The following CUBN variants were observed in gnomAD, a reference collection of about 807,000 sequenced individuals.
CUBN encodes the protein cubilin, also known as 460 kDa receptor.
A neutral mutation model predicts 405.3 loss-of-function variants in CUBN; 282 were observed. The ratio of observed to expected loss-of-function variants is 0.70; its 90% CI spans 0.63 to 0.77. The LOEUF (loss-of-function observed/expected upper bound fraction) is 0.77. Ranked by LOEUF, CUBN falls within the 30% of genes least tolerant of loss-of-function variation. The pLI is 0.00. For missense variants in CUBN, 4,514 were observed against 4,475.2 expected (o/e 1.01, Z -0.25); for synonymous variants, 1,684 against 1,617.0 (o/e 1.04, Z -0.99).
At chr10:16,907,971 A>T (rs540991112) in intron 48 of CUBN, among the ~76,000 whole-genome samples, 1 of 152,288 alleles carries the variant, frequency 6.6e-6, no homozygotes, top group South Asian at 2.1e-4. Flanking sequence ...TGTGCTCTCA[A>T]TGTAAAGGAG....
chr10:16,952,321 G>C lies in CUBN; in HGVS notation c.4924C>G (p.Pro1642Ala). The change falls in exon 33 of 67, where the codon CCA becomes GCA. Residue 1642 changes from proline to alanine, a missense_variant. By Grantham distance (27) the Pro-to-Ala change is conservative. This residue lies in a region of CUBN where 1,613 missense variants were observed against 1,542.8 expected (regional missense o/e 1.05). Coordinates refer to ENST00000377833, the MANE Select transcript of CUBN (RefSeq NM_001081.4). Reference sequence around the variant, plus strand: ...ATCCAGCTGCAGTTCTGATTGTTTGGATAATTGGCAGGGAACCGTGGAGAG... The same window carrying C: ...ATCCAGCTGCAGTTCTGATTGTTTGCATAATTGGCAGGGAACCGTGGAGAG... ...VSSPRFPANY[P>A]NNQNCSWIIQ... 1 of 1,613,974 alleles carries C rather than the reference G, an allele frequency of 6.2e-7. No individual in the cohort carries two copies. The highest frequency in any genetic ancestry group is 8.5e-7 in the Non-Finnish European group (1 of 1,179,912).
At chr10:16,938,939 C>A (rs553664205) in intron 38 of CUBN, 24 bp downstream of exon 38, 3 of 1,585,308 alleles carry the variant, frequency 1.9e-6, no homozygotes, top group Middle Eastern at 1.7e-4. Flanking sequence ...TATTTATGAA[C>A]ATTGATTGCA....
intron 10 of CUBN, among the ~76,000 whole-genome samples, chr10:17,109,104 A>G (rs1430858891): frequency 6.6e-6 from 1 of 152,236 alleles, no homozygotes; most frequent in East Asian, 1.9e-4. Flanking sequence ...ATAAATTGAT[A>G]CAATCTTTCT....
chr10:16,828,006 AAAAC>A (rs1381231219), intron 66 of CUBN, among the ~76,000 whole-genome samples: 1 of 152,236 alleles, frequency 6.6e-6, no homozygotes, highest in African/African-American at 2.4e-5. Flanking sequence ...GAGCTTTACA[AAAAC>A]AAACTATCGG....
intron 52 of CUBN, 29 bp downstream of exon 52, chr10:16,901,309 A>T (rs770425094): frequency 6.2e-7 from 1 of 1,614,006 alleles, no homozygotes; most frequent in South Asian, 1.1e-5. Context: ...ATTGTCTCAG[A>T]AGCATTTCAC....
intron 64 of CUBN, 73 bp from the exon 65 acceptor site, chr10:16,831,490 T>C (rs1838991755): frequency 7.6e-7 from 1 of 1,312,426 alleles, no homozygotes; most frequent in Non-Finnish European, 1.1e-6. Flanking sequence ...ATGGAGACAA[T>C]TTGAATGATG....
At chr10:17,055,805 C>G (rs1398577949) in intron 22 of CUBN, among the ~76,000 whole-genome samples, 1 of 152,032 alleles carries the variant, frequency 6.6e-6, no homozygotes, top group Non-Finnish European at 1.5e-5. Context: ...AAAATATGTT[C>G]ATGGATTGGA....
At chr10:16,999,439 T>C (rs1408666428) in intron 28 of CUBN, among the ~76,000 whole-genome samples, 1 of 152,222 alleles carries the variant, frequency 6.6e-6, no homozygotes, top group East Asian at 1.9e-4. Flanking sequence ...CTAATTTCAA[T>C]CAAATTAAAA....
chr10:17,112,376 ATT>A (rs1211188607), intron 8 of CUBN, among the ~76,000 whole-genome samples: 4 of 152,012 alleles, frequency 2.6e-5, no homozygotes, highest in Non-Finnish European at 5.9e-5. Flanking sequence ...TTGTAGTGAT[ATT>A]TTATAAGCAG....
chr10:16,908,555 T>C (rs1226333134), intron 48 of CUBN, among the ~76,000 whole-genome samples: 1 of 152,216 alleles, frequency 6.6e-6, no homozygotes, highest in African/African-American at 2.4e-5. Context: ...TTCAATTTTC[T>C]TACTTATTTG....
chr10:17,087,628 A>G (rs1047380515), intron 15 of CUBN, among the ~76,000 whole-genome samples: 1 of 151,064 alleles, frequency 6.6e-6, no homozygotes, highest in Non-Finnish European at 1.5e-5. Flanking sequence ...GGCACCCGCC[A>G]CCTCGCCCAG....
intron 51 of CUBN, among the ~76,000 whole-genome samples, chr10:16,901,825 T>C: frequency 6.9e-6 from 1 of 145,878 alleles, no homozygotes; most frequent in African/African-American, 2.6e-5. Context: ...TGCACTCCAG[T>C]CAGGGTGACA....
At chr10:16,920,802 A>G (rs761622135) in intron 43 of CUBN, among the ~76,000 whole-genome samples, 10 of 152,258 alleles carry the variant, frequency 6.6e-5, no homozygotes, top group Non-Finnish European at 1.2e-4. Flanking sequence ...AAAAGTACTT[A>G]CAATGCCAAT....
chr10:17,097,071 A>C (rs1753712007), intron 14 of CUBN, among the ~76,000 whole-genome samples: 1 of 152,120 alleles, frequency 6.6e-6, no homozygotes, highest in South Asian at 2.1e-4. Context: ...TTAGGTGCAA[A>C]ATAACACAAG....
chr10:16,937,895 T>C (rs753983577), intron 38 of CUBN, 111 bp from the exon 39 acceptor site: 9 of 952,022 alleles, frequency 9.5e-6, no homozygotes, highest in African/African-American at 1.7e-5. Context: ...AACAAAAAAA[T>C]GACAAATGAG....
intron 10 of CUBN, among the ~76,000 whole-genome samples, chr10:17,107,128 C>T (rs1371100512): frequency 6.6e-6 from 1 of 152,166 alleles, no homozygotes; most frequent in Admixed American, 6.5e-5. Context: ...TTATGATGTA[C>T]ATGAGGTAAT....
chr10:17,128,053 A>T, intron 2 of CUBN, 129 bp from the exon 3 acceptor site: 1 of 634,618 alleles, frequency 1.6e-6, no homozygotes, highest in South Asian at 1.9e-5. Flanking sequence ...ATTATTATAA[A>T]AACCAAAACA....
chr10:17,082,641 T>C (rs1324466028), intron 17 of CUBN, among the ~76,000 whole-genome samples: 1 of 152,224 alleles, frequency 6.6e-6, no homozygotes, highest in Non-Finnish European at 1.5e-5. Flanking sequence ...TTTAGTCTCG[T>C]GATCGGAGAG....
intron 29 of CUBN, among the ~76,000 whole-genome samples, 174 bp from the exon 30 acceptor site, chr10:16,984,453 T>G (rs1205592587): frequency 6.6e-6 from 1 of 152,164 alleles, no homozygotes; most frequent in Non-Finnish European, 1.5e-5. Context: ...TCAAAGGCAC[T>G]CCCTGTGCCT....
Sources: gnomAD v4.1 joint callset for allele counts (sites outside exome capture counted in the v4.1 genomes callset) on GRCh38, gnomAD v4.1.1 for gene constraint, gnomAD v4.1.1 regional missense constraint, MANE v1.5 for transcripts, NCBI Gene and HGNC (gene_info 2026-07-23, HGNC 2026-07-21) for gene names.